ANKRD6: variants seen among roughly 807,000 people sequenced by gnomAD.
ANKRD6 encodes the protein ankyrin repeat domain 6, also known as ankyrin repeat domain-containing protein 6.
Under a neutral mutation model 82.3 loss-of-function variants are expected in ANKRD6, and 56 were observed. The ratio of observed to expected loss-of-function variants is 0.68; its 90% CI spans 0.55 to 0.85. The LOEUF (loss-of-function observed/expected upper bound fraction) is 0.85. Among genes scored for constraint, ANKRD6 ranks in the 40% least tolerant of loss-of-function variants. ANKRD6 has a pLI of 0.00. For missense variants in ANKRD6, 852 were observed against 907.6 expected (o/e 0.94, Z 0.79); for synonymous variants, 347 against 352.1 (o/e 0.99, Z 0.16).
chr6:89,457,165 C>G (rs192135908), intron 1 of ANKRD6, among the ~76,000 whole-genome samples: 1 of 152,288 alleles, frequency 6.6e-6, no homozygotes, highest in Admixed American at 6.5e-5. Flanking sequence ...TCCACCAGAG[C>G]AAGTGATTCA....
At chr6:89,569,114 G>A (rs948409032) in intron 2 of ANKRD6, among the ~76,000 whole-genome samples, 1 of 151,658 alleles carries the variant, frequency 6.6e-6, no homozygotes, top group Non-Finnish European at 1.5e-5. Flanking sequence ...GGGTTTCACC[G>A]TGTTGGGCCA....
Position 89,435,995 on chromosome 6 carries a change from A to T in ANKRD6, c.-144+2620A>T, listed in dbSNP as rs1030786812. On this transcript the variant is annotated intron_variant, in intron 1 of 15. Coordinates refer to ENST00000339746, the MANE Select transcript of ANKRD6 (RefSeq NM_001242809.2). Reference sequence around the variant, plus strand: ...GGCAAAGATTCTGAAACTTGGTTTCATGGAGCCCTTAGTGTCTGAGTTAAT... The same window carrying T: ...GGCAAAGATTCTGAAACTTGGTTTCTTGGAGCCCTTAGTGTCTGAGTTAAT... 3.3e-5 allele frequency among the ~76,000 whole-genome samples: 5 copies of T among 152,194 alleles called. No homozygotes were observed. In the East Asian group the frequency reaches 9.6e-4, roughly 29 times the overall value.
At chr6:89,445,619 G>A (rs973143508) in intron 1 of ANKRD6, among the ~76,000 whole-genome samples, 4 of 152,042 alleles carry the variant, frequency 2.6e-5, no homozygotes, top group Admixed American at 2.6e-4. Context: ...GCTAATTTTT[G>A]TATTTTAGTA....
Position 89,627,681 on chromosome 6 carries a change from G to T in ANKRD6, c.1470G>T (p.Glu490Asp), listed in dbSNP as rs200210398. 18 of 1,613,724 alleles carry T rather than the reference G, an allele frequency of 1.1e-5. No homozygotes were observed. The East Asian group carries it at 3.8e-4, about 34-fold the overall frequency. The change falls in exon 14 of 16, where the codon GAG becomes GAT. Residue 490 changes from glutamate (E) to aspartate (D), a missense_variant. Coordinates refer to ENST00000339746, the MANE Select transcript of ANKRD6 (RefSeq NM_001242809.2). ...LQQHSDTEKHEGEKRQISLVD... is the reference protein window; with the variant it reads ...LQQHSDTEKHDGEKRQISLVD... ...AGCACTCAGACACAGAGAAGCATGA[G>T]GGGGAGAAACGACAGGTAGGAACCA...
intron 1 of ANKRD6, 136 bp from the exon 2 acceptor site, chr6:89,566,698 T>C (rs2128069757): frequency 5.6e-6 from 2 of 357,638 alleles, no homozygotes; most frequent in Non-Finnish European, 1.1e-5. Context: ...GTGTGCTTCC[T>C]GTGTGTCCTG....
intron 2 of ANKRD6, among the ~76,000 whole-genome samples, chr6:89,577,970 C>T (rs1376123236): frequency 6.6e-6 from 1 of 152,170 alleles, no homozygotes; most frequent in African/African-American, 2.4e-5. Flanking sequence ...TGATACCTAC[C>T]ACTCTCCCTG....
At chr6:89,486,153 AT>A (rs1777340934) in intron 1 of ANKRD6, among the ~76,000 whole-genome samples, 1 of 152,188 alleles carries the variant, frequency 6.6e-6, no homozygotes, top group Non-Finnish European at 1.5e-5. Flanking sequence ...ACATATAGTC[AT>A]GTGTCACATA....
chr6:89,538,589 G>C (rs976634097), intron 1 of ANKRD6, among the ~76,000 whole-genome samples: 4 of 152,154 alleles, frequency 2.6e-5, no homozygotes, highest in Non-Finnish European at 5.9e-5. Context: ...AACAGGCTTA[G>C]TAATGCAGTG....
At chr6:89,475,152 G>A (rs921386356) in intron 1 of ANKRD6, among the ~76,000 whole-genome samples, 2 of 152,118 alleles carry the variant, frequency 1.3e-5, no homozygotes, top group Admixed American at 6.5e-5. Flanking sequence ...CTCACTTTAA[G>A]TTGTCAGAAA....
chr6:89,585,088 A>G (rs995443328), intron 2 of ANKRD6, among the ~76,000 whole-genome samples: 2 of 152,254 alleles, frequency 1.3e-5, no homozygotes, highest in Admixed American at 1.3e-4. Flanking sequence ...CATTTAGTCC[A>G]TAACAAGCTA....
At chr6:89,549,556 T>C (rs1285152429) in intron 1 of ANKRD6, among the ~76,000 whole-genome samples, 3 of 152,238 alleles carry the variant, frequency 2.0e-5, no homozygotes, top group Admixed American at 6.5e-5. Context: ...TATTCTGTTA[T>C]AGCAGCACAA....
intron 1 of ANKRD6, among the ~76,000 whole-genome samples, chr6:89,481,181 C>T (rs1359619659): frequency 2.0e-5 from 3 of 152,046 alleles, no homozygotes; most frequent in African/African-American, 7.2e-5. Flanking sequence ...GAGCATCCCC[C>T]ACTTTAGCTC....
rs1719182738 is a variant in ANKRD6, at chr6:89,501,197, C to T, written c.-143-65637C>T. 2.6e-5 allele frequency among the ~76,000 whole-genome samples: 4 copies of T among 152,276 alleles called. No individual in the cohort carries two copies. In the South Asian group the frequency reaches 8.3e-4, roughly 32 times the overall value. ...GGAACATAATTTGTACCTGCAAAAT[C>T]AAGACTTAACGATTAATTGTTTTCC... On this transcript the variant is annotated intron_variant, in intron 1 of 15. Coordinates refer to ENST00000339746, the MANE Select transcript of ANKRD6 (RefSeq NM_001242809.2).
At position 89,566,867 on chromosome 6, in the gene ANKRD6, C is replaced by T; in HGVS notation, c.-110C>T. The T allele has an allele frequency of 7.0e-7, 1 of 1,428,090 alleles. No individual in the cohort carries two copies. Among genetic ancestry groups the T allele is most frequent in the South Asian group, 1.3e-5 (1 of 74,780 alleles). The allele number at this position is 1,428,090 out of a possible 1,614,324, so 88.5% of individuals were successfully genotyped here. A position where few individuals can be genotyped will look rare whatever the true frequency, so the allele number is the denominator to read the frequency against. ...GATGGCATATTCATAAAGACATCTT[C>T]TGATGATTGTGAACATCTTTACCTC... On this transcript the variant is annotated 5_prime_UTR_variant, in exon 2 of 16. Coordinates refer to ENST00000339746, the MANE Select transcript of ANKRD6 (RefSeq NM_001242809.2).
intron 1 of ANKRD6, among the ~76,000 whole-genome samples, chr6:89,503,512 G>A (rs1470478420): frequency 1.3e-5 from 2 of 152,150 alleles, no homozygotes; most frequent in South Asian, 2.1e-4. Context: ...TGCTTACTAT[G>A]TGTGTAGACG....
intron 2 of ANKRD6, among the ~76,000 whole-genome samples, chr6:89,589,878 C>T (rs1454435425): frequency 6.6e-6 from 1 of 152,166 alleles, no homozygotes; most frequent in African/African-American, 2.4e-5. Context: ...GTGCCTCTTC[C>T]TGATTGGATC....
intron 1 of ANKRD6, among the ~76,000 whole-genome samples, chr6:89,466,782 C>T (rs770295885): frequency 1.3e-4 from 20 of 152,156 alleles, no homozygotes; most frequent in Non-Finnish European, 2.8e-4. Flanking sequence ...TCATGACTCA[C>T]TGCAGCCTCA....
intron 13 of ANKRD6, among the ~76,000 whole-genome samples, chr6:89,626,764 A>T (rs1431388461): frequency 6.6e-6 from 1 of 152,222 alleles, no homozygotes; most frequent in Non-Finnish European, 1.5e-5. Flanking sequence ...GTCCCACAGG[A>T]AATGCCAAGA....
intron 1 of ANKRD6, among the ~76,000 whole-genome samples, chr6:89,468,440 GA>G (rs1417307888): frequency 6.6e-6 from 1 of 152,014 alleles, no homozygotes; most frequent in Non-Finnish European, 1.5e-5. Context: ...GGTTGAACTT[GA>G]AGGTTTGTTG....
Sources: allele counts gnomAD v4.1 joint callset (sites outside exome capture counted in the v4.1 genomes callset), GRCh38; gene constraint gnomAD v4.1.1; transcripts MANE v1.5; gene names NCBI Gene and HGNC (gene_info 2026-07-23, HGNC 2026-07-21).